GATAD1: variants seen among roughly 807,000 people sequenced by gnomAD.
GATAD1 encodes the protein GATA zinc finger domain-containing protein 1.
Under a neutral mutation model 26.5 loss-of-function variants are expected in GATAD1, and 12 were observed. That is an observed-to-expected ratio of 0.45 (90% CI 0.29 to 0.73). GATAD1 has a LOEUF of 0.73. Ranked by LOEUF, GATAD1 falls within the 30% of genes least tolerant of loss-of-function variation. The probability of loss-of-function intolerance (pLI) is 0.10; values close to 1 mark genes in which losing one functional copy is unlikely to be tolerated. For missense variants in GATAD1, 266 were observed against 342.1 expected (o/e 0.78, Z 1.75); for synonymous variants, 129 against 133.1 (o/e 0.97, Z 0.21).
intron 2 of GATAD1, 164 bp downstream of exon 2, chr7:92,449,041 G>A (rs1224624023): frequency 9.8e-7 from 1 of 1,015,640 alleles, no homozygotes; most frequent in African/African-American, 1.6e-5. Flanking sequence ...TCTGTTGCAG[G>A]AGGCTCACTG....
the GATAD1 span, among the ~76,000 whole-genome samples, chr7:92,468,186 A>G: frequency 3.3e-5 from 5 of 152,218 alleles, no homozygotes; most frequent in South Asian, 4.1e-4. Flanking sequence ...GCACTTAGCC[A>G]TGCAGGAACA....
At chr7:92,486,421 A>ACTC in the GATAD1 span, among the ~76,000 whole-genome samples, 1 of 152,202 alleles carries the variant, frequency 6.6e-6, no homozygotes, top group African/African-American at 2.4e-5. Flanking sequence ...TGATCATGAA[A>ACTC]CTCACTTTAT....
At chr7:92,487,603 T>G in the GATAD1 span, 1 of 717,712 alleles carries the variant, frequency 1.4e-6, no homozygotes, top group East Asian at 2.7e-5. Context: ...CAAAAGATAA[T>G]GGATTGTTGG....
chr7:92,464,319 G>A (rs1002598768), downstream of GATAD1, among the ~76,000 whole-genome samples: 3 of 152,118 alleles, frequency 2.0e-5, no homozygotes. Flanking sequence ...TTGAAAATAC[G>A]GATTTGAGAA....
chr7:92,461,027 G>A (rs1374482885), downstream of GATAD1, among the ~76,000 whole-genome samples: 4 of 152,100 alleles, frequency 2.6e-5, no homozygotes, highest in African/African-American at 4.8e-5. Flanking sequence ...TTTATAAATA[G>A]TAGTTCTTAA....
chr7:92,461,761 A>G (rs1452826665), downstream of GATAD1, among the ~76,000 whole-genome samples: 1 of 152,228 alleles, frequency 6.6e-6, no homozygotes, highest in African/African-American at 2.4e-5. Context: ...GGGCCTCCAC[A>G]GGTTTGCTCA....
chr7:92,470,725 T>C, the GATAD1 span: 1 of 193,388 alleles, frequency 5.2e-6, no homozygotes, highest in South Asian at 1.9e-4. Context: ...AACTTGTTGA[T>C]ATTTGGCTAA....
rs1789732335 is a variant in GATAD1 at position 92,457,534 on chromosome 7, A to G, written c.*972A>G. 1 of 152,216 alleles carries G rather than the reference A, an allele frequency of 6.6e-6. No homozygotes were observed. Among genetic ancestry groups the G allele is most frequent in the Admixed American group, 6.5e-5 (1 of 15,274 alleles). The allele number at this position is 152,216 out of a possible 1,614,324, so 9.4% of individuals were successfully genotyped here. A position where few individuals can be genotyped will look rare whatever the true frequency, so the allele number is the denominator to read the frequency against. On this transcript the variant is annotated 3_prime_UTR_variant, in exon 5 of 5. Transcript: ENST00000287957. ...ATATTTTGAACTTAAATTATATTCT[A>G]TATGTGTATCTTCCTAGGCAAAAGC...
the GATAD1 span, among the ~76,000 whole-genome samples, chr7:92,473,546 TC>T: frequency 2.6e-5 from 4 of 152,076 alleles, no homozygotes; most frequent in Non-Finnish European, 5.9e-5. Flanking sequence ...AAACGGGTGT[TC>T]CTTCTCCTAT....
chr7:92,450,646 T>A (rs904655991), intron 2 of GATAD1, 55 bp from the exon 3 acceptor site: 23 of 1,158,900 alleles, frequency 2.0e-5, no homozygotes, highest in Middle Eastern at 1.9e-4. Context: ...GCTGGGAAAA[T>A]GCCTGTAGAC....
At chr7:92,468,734 G>A in the GATAD1 span, 18 of 687,478 alleles carry the variant, frequency 2.6e-5, no homozygotes, top group African/African-American at 8.9e-5. Flanking sequence ...GAAAACCTAA[G>A]TGCTGTTGGG....
the GATAD1 span, among the ~76,000 whole-genome samples, chr7:92,485,228 G>A: frequency 6.6e-6 from 1 of 152,196 alleles, no homozygotes; most frequent in African/African-American, 2.4e-5. Flanking sequence ...ATGTATACGT[G>A]CAGGTCACAG....
Position 92,456,541 on chromosome 7 carries a change from A to G in GATAD1, c.789A>G (p.Glu263=), listed in dbSNP as rs1202061305. The change falls in exon 5 of 5, where the codon GAA becomes GAG. Residue 263 remains glutamate, a synonymous_variant. Coordinates refer to ENST00000287957, the MANE Select transcript of GATAD1 (RefSeq NM_021167.5). ...VGPTPAITIK[E]SVANHL is the part of the protein sequence containing the mutation. ...CTACTCCTGCAATAACAATTAAGGA[A>G]TCAGTTGCCAACCATTTGTAGTTCA... The G allele has an allele frequency of 1.2e-6, 2 of 1,611,568 alleles. No individual in the cohort carries two copies. The highest frequency in any genetic ancestry group is 1.7e-6 in the Non-Finnish European group (2 of 1,178,666).
At chr7:92,478,634 T>C in the GATAD1 span, among the ~76,000 whole-genome samples, 1 of 152,170 alleles carries the variant, frequency 6.6e-6, no homozygotes, top group African/African-American at 2.4e-5. Context: ...CATAAGTTAT[T>C]AAGAAATAGT....
At chr7:92,469,034 G>A in the GATAD1 span, 1 of 714,682 alleles carries the variant, frequency 1.4e-6, no homozygotes, top group Non-Finnish European at 2.6e-6. Context: ...CCTAAGAAGG[G>A]GAGAATCCAG....
At chr7:92,448,388 T>C (rs1192639963) in intron 1 of GATAD1, among the ~76,000 whole-genome samples, 3 of 152,216 alleles carry the variant, frequency 2.0e-5, no homozygotes, top group African/African-American at 4.8e-5. Context: ...TACTACGTTC[T>C]CTGGCCTTAG....
the GATAD1 span, chr7:92,468,874 T>TC: frequency 1.3e-6 from 1 of 764,348 alleles, no homozygotes. Flanking sequence ...AGCAGGCCGG[T>TC]CCAGGGGTCT....
At chr7:92,448,915 CGTT>C (rs765380724) in intron 2 of GATAD1, 38 bp downstream of exon 2, 4 of 1,587,372 alleles carry the variant, frequency 2.5e-6, no homozygotes, top group Middle Eastern at 1.7e-4. Flanking sequence ...ACTGTAATGA[CGTT>C]GTGTGTATCC....
intron 1 of GATAD1, 53 bp from the exon 2 acceptor site, chr7:92,448,699 T>C (rs1386657839): frequency 4.1e-6 from 6 of 1,449,830 alleles, no homozygotes; most frequent in Non-Finnish European, 5.8e-6. Flanking sequence ...CTGCAACCTT[T>C]ATGCACTTTT....
Sources: gnomAD v4.1 joint callset for allele counts (sites outside exome capture counted in the v4.1 genomes callset) on GRCh38, gnomAD v4.1.1 for gene constraint, MANE v1.5 for transcripts, NCBI Gene and HGNC (gene_info 2026-07-23, HGNC 2026-07-21) for gene names.